FBXW7: variants seen among roughly 807,000 people sequenced by gnomAD.
The protein encoded by FBXW7 is F-box and WD repeat domain containing 7.
In FBXW7, 11 loss-of-function variants were observed where a neutral mutation model predicts 86.3. That is an observed-to-expected ratio of 0.13 (90% CI 0.08 to 0.21). The LOEUF is 0.21. Ranked by LOEUF, FBXW7 falls within the 10% of genes least tolerant of loss-of-function variation. FBXW7 has a pLI of 1.00. For missense variants in FBXW7, 488 were observed against 847.4 expected, an observed-to-expected ratio of 0.58 and a Z score of 5.27; for synonymous variants, 313 against 297.9, an observed-to-expected ratio of 1.05 and a Z score of -0.52.
intron 2 of FBXW7, among the ~76,000 whole-genome samples, chr4:152,505,738 T>C (rs2149706885): frequency 6.6e-6 from 1 of 150,586 alleles, no homozygotes; most frequent in Non-Finnish European, 1.5e-5. Flanking sequence ...TGAGGCTGTT[T>C]TGCAATTTTT....
intron 2 of FBXW7, among the ~76,000 whole-genome samples, chr4:152,487,697 A>G (rs939615335): frequency 1.3e-5 from 2 of 152,078 alleles, no homozygotes; most frequent in Non-Finnish European, 2.9e-5. Flanking sequence ...AAAAGTTAAC[A>G]TTTGTTAAAT....
chr4:152,384,006 C>T (rs943085563), intron 4 of FBXW7, among the ~76,000 whole-genome samples: 1 of 152,020 alleles, frequency 6.6e-6, no homozygotes, highest in Admixed American at 6.6e-5. Context: ...GGTTTTAAAA[C>T]AAAACAAAAC....
At chr4:152,514,183 T>C (rs771360794) in intron 2 of FBXW7, among the ~76,000 whole-genome samples, 12 of 152,236 alleles carry the variant, frequency 7.9e-5, no homozygotes, top group African/African-American at 1.4e-4. Context: ...TTGCATTCCA[T>C]TGGACAATGC....
At chr4:152,498,831 GA>G in intron 2 of FBXW7, among the ~76,000 whole-genome samples, 1 of 151,844 alleles carries the variant, frequency 6.6e-6, no homozygotes, top group South Asian at 2.1e-4. Context: ...TTCCTGGTAA[GA>G]AAAAATGACA....
chr4:152,326,216 A>G lies in FBXW7; in HGVS notation c.1434T>C (p.Ser478=), dbSNP rs2126497468. The part of the protein sequence containing the change: ...HLHEKRVVSG[S]RDATLRVWDI... ...CCCAAACCCTAAGAGTGGCATCTCG[A>G]GAACCGCTAACAACTCTGCAGAGGG... Residue 478 remains serine, a synonymous_variant, in exon 12 of 14, where the codon TCT becomes TCC. Coordinates refer to ENST00000281708, the MANE Select transcript of FBXW7 (RefSeq NM_001349798.2). 1 of 1,613,120 alleles carries G rather than the reference A, an allele frequency of 6.2e-7. No homozygotes were observed. The highest frequency in any genetic ancestry group is 8.5e-7 in the Non-Finnish European group (1 of 1,179,402).
intron 2 of FBXW7, among the ~76,000 whole-genome samples, chr4:152,479,779 A>G (rs1021599882): frequency 6.6e-6 from 1 of 152,138 alleles, no homozygotes; most frequent in African/African-American, 2.4e-5. Flanking sequence ...CAATCTATAG[A>G]TCTATTGCAA....
At chr4:152,510,335 T>C (rs1320804207) in intron 2 of FBXW7, among the ~76,000 whole-genome samples, 1 of 152,228 alleles carries the variant, frequency 6.6e-6, no homozygotes, top group Non-Finnish European at 1.5e-5. Context: ...TCAAGATGCC[T>C]GTGTACTTTA....
chr4:152,501,472 T>C (rs1746943808), intron 2 of FBXW7, among the ~76,000 whole-genome samples: 1 of 152,214 alleles, frequency 6.6e-6, no homozygotes, highest in African/African-American at 2.4e-5. Flanking sequence ...GCTCAAAGGA[T>C]AAAAGCAAAG....
At chr4:152,441,012 CTT>C (rs1191340552) in intron 2 of FBXW7, among the ~76,000 whole-genome samples, 1 of 151,710 alleles carries the variant, frequency 6.6e-6, no homozygotes, top group Non-Finnish European at 1.5e-5. Flanking sequence ...GGCAATATAT[CTT>C]TCTTATTGAA....
At chr4:152,326,556 T>TCTAAATATATA (rs1729040207) in intron 11 of FBXW7, among the ~76,000 whole-genome samples, 1 of 152,036 alleles carries the variant, frequency 6.6e-6, no homozygotes, top group Admixed American at 6.6e-5. Context: ...AGAAGCTGCC[T>TCTAAATATATA]CTAAATATAT....
intron 2 of FBXW7, among the ~76,000 whole-genome samples, chr4:152,519,964 G>A (rs2149728382): frequency 6.6e-6 from 1 of 152,316 alleles, no homozygotes; most frequent in South Asian, 2.1e-4. Flanking sequence ...GAACTGCTGT[G>A]AGGACTAAGT....
At chr4:152,354,253 A>T (rs1207191183) in intron 4 of FBXW7, among the ~76,000 whole-genome samples, 2 of 152,060 alleles carry the variant, frequency 1.3e-5, no homozygotes, top group Non-Finnish European at 2.9e-5. Context: ...CCTGGCTCTT[A>T]AATTAATTCT....
chr4:152,456,183 A>G (rs1244783540), intron 2 of FBXW7, among the ~76,000 whole-genome samples: 1 of 152,088 alleles, frequency 6.6e-6, no homozygotes. Context: ...TTTAGCACAT[A>G]GAAAGAACTC....
intron 2 of FBXW7, among the ~76,000 whole-genome samples, chr4:152,485,444 T>A (rs1440657889): frequency 1.3e-5 from 2 of 152,160 alleles, no homozygotes; most frequent in Non-Finnish European, 2.9e-5. Context: ...CAATGTTATA[T>A]CATGTATAAG....
At chr4:152,459,450 T>C (rs974070864) in intron 2 of FBXW7, among the ~76,000 whole-genome samples, 1 of 152,164 alleles carries the variant, frequency 6.6e-6, no homozygotes, top group African/African-American at 2.4e-5. Context: ...TATGTATACA[T>C]ACACAGAGCA....
chr4:152,469,002 ACAGTAT>A (rs955115973), intron 2 of FBXW7, among the ~76,000 whole-genome samples: 81 of 152,218 alleles, frequency 5.3e-4, no homozygotes, highest in African/African-American at 1.9e-3. Flanking sequence ...AGTAAACAGA[ACAGTAT>A]AACTGTTGAA....
chr4:152,364,550 T>C (rs766795744), intron 4 of FBXW7, among the ~76,000 whole-genome samples: 3 of 152,208 alleles, frequency 2.0e-5, no homozygotes, highest in African/African-American at 2.4e-5. Flanking sequence ...GACTTCTTCA[T>C]TGAAAATTTT....
chr4:152,440,199 T>A (rs954913535), intron 2 of FBXW7, among the ~76,000 whole-genome samples: 7 of 152,038 alleles, frequency 4.6e-5, no homozygotes, highest in African/African-American at 7.2e-5. Flanking sequence ...TCTAAAAAAA[T>A]TTTTTTTCAG....
intron 2 of FBXW7, among the ~76,000 whole-genome samples, chr4:152,464,460 G>T (rs1299552084): frequency 6.6e-6 from 1 of 152,212 alleles, no homozygotes; most frequent in Non-Finnish European, 1.5e-5. Context: ...GAGAACTAGG[G>T]ATAGGACTGT....
Sources: allele counts gnomAD v4.1 joint callset (sites outside exome capture counted in the v4.1 genomes callset), GRCh38; gene constraint gnomAD v4.1.1; transcripts MANE v1.5; gene names NCBI Gene and HGNC (gene_info 2026-07-23, HGNC 2026-07-21).